The following AKR1D1 variants were observed in gnomAD, a reference collection of about 807,000 sequenced individuals.
AKR1D1 encodes the protein delta(4)-3-ketosteroid 5-beta-reductase.
Under a neutral mutation model 42.6 loss-of-function variants are expected in AKR1D1, and 32 were observed. The ratio of observed to expected loss-of-function variants is 0.75; its 90% CI spans 0.57 to 1.01. The LOEUF (loss-of-function observed/expected upper bound fraction) is 1.01. AKR1D1 is among the 50% of genes least tolerant of loss of function. The pLI is 0.00. For synonymous variants in AKR1D1, 123 were observed against 135.5 expected, an observed-to-expected ratio of 0.91 and a Z score of 0.64; for missense variants, 364 against 402.2, an observed-to-expected ratio of 0.91 and a Z score of 0.81.
rs1477194317 is a variant in AKR1D1 at position 138,116,636 on chromosome 7, G to C, written c.955G>C (p.Glu319Gln). 15 of 1,614,064 alleles carry C rather than the reference G, an allele frequency of 9.3e-6. No homozygotes were observed. The highest frequency in any genetic ancestry group is 1.2e-5 in the Non-Finnish European group (14 of 1,180,042). ...TTTTGGCAGGTGGCGCGATCATCCT[G>C]AATACCCATTTCATGATGAATACTG... ...VELLMWRDHP[E>Q]YPFHDEY The change falls in exon 9 of 9, where the codon GAA becomes CAA. Residue 319 changes from glutamate to glutamine, a missense_variant. Coordinates refer to ENST00000242375, the MANE Select transcript of AKR1D1 (RefSeq NM_005989.4).
At chr7:138,110,101 A>G (rs1794509431) in intron 7 of AKR1D1, among the ~76,000 whole-genome samples, 1 of 152,312 alleles carries the variant, frequency 6.6e-6, no homozygotes, top group Non-Finnish European at 1.5e-5. Context: ...TTTAGGGAAT[A>G]GACTCACCCA....
chr7:138,088,459 C>T (rs1281446070), intron 1 of AKR1D1, 142 bp from the exon 2 acceptor site: 7 of 1,016,542 alleles, frequency 6.9e-6, no homozygotes, highest in East Asian at 5.1e-5. Context: ...TGCTGAACAC[C>T]ATCTTCCAAT....
chr7:138,108,985 C>T (rs149804913), intron 7 of AKR1D1, among the ~76,000 whole-genome samples: 14 of 152,148 alleles, frequency 9.2e-5, no homozygotes, highest in African/African-American at 3.1e-4. Flanking sequence ...GCAGTCTTAC[C>T]CTATAGATGT....
chr7:138,111,158 C>T (rs1794529055), intron 7 of AKR1D1, among the ~76,000 whole-genome samples: 3 of 152,146 alleles, frequency 2.0e-5, no homozygotes, highest in Non-Finnish European at 4.4e-5. Context: ...TTCAAACATC[C>T]CCCTCTCTTT....
intron 3 of AKR1D1, among the ~76,000 whole-genome samples, chr7:138,092,340 C>G (rs1208051609): frequency 6.6e-6 from 1 of 152,204 alleles, no homozygotes; most frequent in African/African-American, 2.4e-5. Flanking sequence ...AATCTCCGCC[C>G]TCATCCTCAC....
In AKR1D1 at chr7:138,117,448, AC is replaced by A. The variant is rs1794656235; in HGVS notation, c.*789del. On this transcript the variant is annotated 3_prime_UTR_variant, in exon 9 of 9. Transcript: ENST00000242375. ...GAAACAACCAACATATACAAATAAA[AC>A]CCTGCCTTGTAAAATAGTAAAAGAG... The A allele has an allele frequency of 1.3e-5, 2 of 152,424 alleles. No homozygotes were observed. Among genetic ancestry groups the A allele is most frequent in the South Asian group, 4.1e-4 (2 of 4,824 alleles). The allele number at this position is 152,424 out of a possible 1,614,324, so 9.4% of individuals were successfully genotyped here.
rs1478845534 is a variant in AKR1D1, at chr7:138,116,680, A to G, written c.*18A>G. 6.2e-7 allele frequency: 1 copy of G among 1,613,754 alleles called. No homozygotes were observed. The highest frequency in any genetic ancestry group is 1.3e-5 in the African/African-American group (1 of 74,890). On this transcript the variant is annotated 3_prime_UTR_variant, in exon 9 of 9. Transcript: ENST00000242375. Reference sequence around the variant, plus strand: ...AATACTGACTGCAGGGAGTTCCTGAACAGATTTTTCACTCCCACGAGTGCC... The same window carrying G: ...AATACTGACTGCAGGGAGTTCCTGAGCAGATTTTTCACTCCCACGAGTGCC...
Position 138,116,698 on chromosome 7 carries a change from C to T in AKR1D1, c.*36C>T, listed in dbSNP as rs1872930. On this transcript the variant is annotated 3_prime_UTR_variant, in exon 9 of 9. Transcript: ENST00000242375. ...TTCCTGAACAGATTTTTCACTCCCA[C>T]GAGTGCCAAGACGGTGCAATGGGTA... 1,264,561 of 1,605,206 alleles carry T rather than the reference C, an allele frequency of 0.79. 499,633 individuals are homozygous for T. The highest frequency in any genetic ancestry group is 0.87 in the African/African-American group (64,885 of 74,850).
intron 7 of AKR1D1, among the ~76,000 whole-genome samples, chr7:138,111,315 T>C (rs149645015): frequency 1.4e-4 from 22 of 152,342 alleles, no homozygotes; most frequent in African/African-American, 4.8e-4. Flanking sequence ...TTCAAACATC[T>C]GGAAAGAGAA....
intron 4 of AKR1D1, 65 bp downstream of exon 4, chr7:138,098,008 T>C: frequency 8.0e-7 from 1 of 1,253,506 alleles, no homozygotes; most frequent in Non-Finnish European, 1.2e-6. Flanking sequence ...TGATTATTCC[T>C]GTCATATTTA....
At chr7:138,078,160 T>C (rs183849775) in intron 1 of AKR1D1, among the ~76,000 whole-genome samples, 1 of 152,170 alleles carries the variant, frequency 6.6e-6, no homozygotes, top group Admixed American at 6.5e-5. Context: ...AGGGGTTTCA[T>C]CATATTGCCC....
chr7:138,097,351 A>C (rs1246285057), intron 3 of AKR1D1, among the ~76,000 whole-genome samples: 3 of 152,226 alleles, frequency 2.0e-5, no homozygotes, highest in African/African-American at 7.2e-5. Context: ...GAGTGGGGAA[A>C]TGTGGCTGAA....
At chr7:138,080,776 A>C (rs1348827009) in intron 1 of AKR1D1, among the ~76,000 whole-genome samples, 1 of 152,026 alleles carries the variant, frequency 6.6e-6, no homozygotes, top group South Asian at 2.1e-4. Context: ...ATTATTTTAA[A>C]ATTCCATCAT....
At position 138,106,611 on chromosome 7, in the gene AKR1D1, G is replaced by A. The variant is rs1433614577; in HGVS notation, c.583G>A (p.Glu195Lys). 1.2e-6 allele frequency: 2 copies of A among 1,613,824 alleles called. No homozygotes were observed. Among genetic ancestry groups the A allele is most frequent in the Non-Finnish European group, 1.7e-6 (2 of 1,179,724 alleles). Residue 195 changes from glutamate (E) to lysine (K), a missense_variant, in exon 6 of 9, where the codon GAG becomes AAG. By Grantham distance (56) the Glu-to-Lys change is moderately conservative (BLOSUM62 1). Transcript: ENST00000242375. ...LKHKPVSNQV[E>K]CHPYFTQPKL... ...GCTCTCCAATGCAACCACATAGGTT[G>A]AGTGCCATCCGTATTTCACCCAGCC...
chr7:138,096,130 G>A (rs1019631125), intron 3 of AKR1D1, among the ~76,000 whole-genome samples: 7 of 152,018 alleles, frequency 4.6e-5, no homozygotes, highest in Non-Finnish European at 8.8e-5. Context: ...ACCTGAGCCT[G>A]GGGACATCGA....
intron 1 of AKR1D1, 96 bp from the exon 2 acceptor site, chr7:138,088,505 C>T (rs1793983078): frequency 7.4e-7 from 1 of 1,359,562 alleles, no homozygotes; most frequent in Non-Finnish European, 1.0e-6. Context: ...GTCATTTTAG[C>T]TGTAAAGGAA....
chr7:138,084,020 T>C (rs1803110952), intron 1 of AKR1D1, among the ~76,000 whole-genome samples: 1 of 152,138 alleles, frequency 6.6e-6, no homozygotes, highest in Admixed American at 6.5e-5. Context: ...CCTGGAGGCA[T>C]TGCTACCCAG....
chr7:138,076,563 A>G lies in AKR1D1; in HGVS notation c.45A>G (p.Gly15=), dbSNP rs751204230. 1.2e-6 allele frequency: 2 copies of G among 1,613,654 alleles called. No individual in the cohort carries two copies. Among genetic ancestry groups the G allele is most frequent in the Non-Finnish European group, 1.7e-6 (2 of 1,179,748 alleles). The change falls in exon 1 of 9, where the codon GGA becomes GGG. Residue 15 remains glycine, a synonymous_variant. Transcript: ENST00000242375. The part of the protein sequence containing the change: ...AASHRIPLSD[G]NSIPIIGLGT... ...GTCACCGCATACCTCTAAGTGATGG[A>G]AACAGCATTCCCATCATCGGACTTG...
chr7:138,098,184 G>T, intron 4 of AKR1D1: 1 of 471,742 alleles, frequency 2.1e-6, no homozygotes, highest in East Asian at 3.4e-5. Context: ...AGGAAAAACA[G>T]TGTAAACAAA....
Sources: gnomAD v4.1 joint callset for allele counts (sites outside exome capture counted in the v4.1 genomes callset) on GRCh38, gnomAD v4.1.1 for gene constraint, MANE v1.5 for transcripts, NCBI Gene and HGNC (gene_info 2026-07-23, HGNC 2026-07-21) for gene names.